Variants in ADAMTS16 observed in about 807,000 individuals in gnomAD.
ADAMTS16 encodes the protein A disintegrin and metalloproteinase with thrombospondin motifs 16.
Under a neutral mutation model 145.8 loss-of-function variants are expected in ADAMTS16, and 94 were observed. The ratio of observed to expected loss-of-function variants is 0.64; its 90% CI spans 0.55 to 0.77. The LOEUF (loss-of-function observed/expected upper bound fraction) is 0.77, where lower values mean the gene tolerates loss of function less well. Among genes scored for constraint, ADAMTS16 ranks in the 30% least tolerant of loss-of-function variants. The probability of loss-of-function intolerance (pLI) is 0.00; values close to 1 mark genes in which losing one functional copy is unlikely to be tolerated. For synonymous variants in ADAMTS16, 659 were observed against 604.3 expected (o/e 1.09, Z -1.33); for missense variants, 1,585 against 1,591.5 (o/e 1.00, Z 0.07).
At chr5:5,174,904 C>A (rs1216487045) in intron 3 of ADAMTS16, among the ~76,000 whole-genome samples, 1 of 152,158 alleles carries the variant, frequency 6.6e-6, no homozygotes, top group Non-Finnish European at 1.5e-5. Context: ...TGAATGCTGC[C>A]AGGACTGAGA....
chr5:5,146,884 CTT>C (rs1186035567), intron 3 of ADAMTS16, among the ~76,000 whole-genome samples: 1 of 152,190 alleles, frequency 6.6e-6, no homozygotes, highest in Non-Finnish European at 1.5e-5. Flanking sequence ...ATTTGAAAGA[CTT>C]TGAATACTGT....
chr5:5,151,270 A>C (rs1298814562), intron 3 of ADAMTS16, among the ~76,000 whole-genome samples: 1 of 149,998 alleles, frequency 6.7e-6, no homozygotes, highest in Non-Finnish European at 1.5e-5. Flanking sequence ...CTGGAGTCTC[A>C]CCCTGTTGCC....
chr5:5,172,049 A>T (rs993466314), intron 3 of ADAMTS16, among the ~76,000 whole-genome samples: 3 of 152,080 alleles, frequency 2.0e-5, no homozygotes, highest in Non-Finnish European at 4.4e-5. Context: ...TCCAATTAGC[A>T]TATAGCTGTT....
chr5:5,267,201 A>C (rs1294431009), intron 18 of ADAMTS16, among the ~76,000 whole-genome samples: 1 of 152,152 alleles, frequency 6.6e-6, no homozygotes. Context: ...GCAACGTCTA[A>C]GGGTGAATGT....
intron 18 of ADAMTS16, among the ~76,000 whole-genome samples, chr5:5,273,947 T>G (rs1738583654): frequency 6.6e-6 from 1 of 152,240 alleles, no homozygotes; most frequent in Non-Finnish European, 1.5e-5. Flanking sequence ...AGTAGTCCTG[T>G]AAGGTATTTT....
chr5:5,265,770 C>T (rs1218849785), intron 18 of ADAMTS16, among the ~76,000 whole-genome samples: 2 of 152,174 alleles, frequency 1.3e-5, no homozygotes, highest in South Asian at 2.1e-4. Context: ...ACAGTGGGGT[C>T]TGCTTGTGTT....
intron 18 of ADAMTS16, among the ~76,000 whole-genome samples, chr5:5,290,264 T>C (rs1739257118): frequency 6.6e-6 from 1 of 152,152 alleles, no homozygotes. Flanking sequence ...CATTTCCTAG[T>C]CAGCTGTTAA....
chr5:5,273,716 C>A (rs1205737151), intron 18 of ADAMTS16, among the ~76,000 whole-genome samples: 1 of 152,158 alleles, frequency 6.6e-6, no homozygotes, highest in African/African-American at 2.4e-5. Context: ...AAACAATGAG[C>A]TTGAAATGTA....
At chr5:5,234,171 G>A (rs866399221) in intron 12 of ADAMTS16, among the ~76,000 whole-genome samples, 16 of 152,294 alleles carry the variant, frequency 1.1e-4, no homozygotes, top group South Asian at 2.1e-4. Flanking sequence ...TGCGCTGCCC[G>A]CATTACCAGT....
At chr5:5,207,833 A>G (rs538053076) in intron 9 of ADAMTS16, among the ~76,000 whole-genome samples, 16 of 151,910 alleles carry the variant, frequency 1.1e-4, no homozygotes, top group African/African-American at 3.6e-4. Flanking sequence ...ACATTAATTG[A>G]CTTTAGAATA....
intron 17 of ADAMTS16, among the ~76,000 whole-genome samples, chr5:5,252,870 T>C (rs1439147141): frequency 6.6e-6 from 1 of 152,190 alleles, no homozygotes; most frequent in Non-Finnish European, 1.5e-5. Flanking sequence ...TTACTCATCT[T>C]TTCTTGTCTT....
chr5:5,149,262 T>A (rs1734387569), intron 3 of ADAMTS16, among the ~76,000 whole-genome samples: 1 of 152,232 alleles, frequency 6.6e-6, no homozygotes, highest in Admixed American at 6.5e-5. Flanking sequence ...GGGTCCCTGT[T>A]ATATTTATGT....
At chr5:5,148,599 G>A (rs1346676246) in intron 3 of ADAMTS16, among the ~76,000 whole-genome samples, 4 of 152,172 alleles carry the variant, frequency 2.6e-5, no homozygotes, top group African/African-American at 4.8e-5. Context: ...TTTTGCTGTT[G>A]TCCACTAATG....
intron 18 of ADAMTS16, among the ~76,000 whole-genome samples, chr5:5,280,650 AC>A (rs1738866867): frequency 6.6e-6 from 1 of 152,182 alleles, no homozygotes; most frequent in South Asian, 2.1e-4. Context: ...GAGGTTTAGT[AC>A]ATGCTAAACC....
At chr5:5,200,107 A>ATCTCTCTC (rs58639468) in intron 8 of ADAMTS16, 25 bp from the exon 9 acceptor site, 56 of 1,447,554 alleles carry the variant, frequency 3.9e-5, no homozygotes, top group South Asian at 7.7e-5. Context: ...TGAAAGAACC[A>ATCTCTCTC]TCTCTCTCTC....
At chr5:5,290,694 TTG>T (rs1374587260) in intron 18 of ADAMTS16, among the ~76,000 whole-genome samples, 17 of 152,212 alleles carry the variant, frequency 1.1e-4, no homozygotes, top group African/African-American at 3.9e-4. Context: ...GCTAAAATTC[TTG>T]TTTCCATGCT....
rs551309276 is a variant in ADAMTS16 at position 5,318,225 on chromosome 5, A to G, written c.3503A>G (p.Lys1168Arg). 4.5e-6 allele frequency: 7 copies of G among 1,568,994 alleles called. No homozygotes were observed. The South Asian group carries it at 7.1e-5, about 16-fold the overall frequency. Residue 1168 changes from lysine (K) to arginine (R), a missense_variant, in exon 22 of 23, where the codon AAG becomes AGG. Physicochemically the swap from Lys to Arg is conservative, Grantham distance 26. Coordinates refer to ENST00000274181, the MANE Select transcript of ADAMTS16 (RefSeq NM_139056.4). The stretch of plus-strand genomic sequence containing the variant: ...GCCTCAGGCTGCCTCCTGCACCAGA[A>G]GCCTTCGGCCTCCCTGGCCTGCAAC... ...RPASGCLLHQ[K>R]PSASLACNTH...
intron 8 of ADAMTS16, among the ~76,000 whole-genome samples, chr5:5,198,434 G>A (rs1026505993): frequency 3.9e-5 from 6 of 152,100 alleles, no homozygotes; most frequent in East Asian, 1.9e-4. Context: ...GTATTTGCAC[G>A]CCAGATTTCC....
chr5:5,319,149 C>G lies in ADAMTS16; in HGVS notation c.*11C>G, dbSNP rs764802568. 12 of 1,587,128 alleles carry G rather than the reference C, an allele frequency of 7.6e-6. No homozygotes were observed. The South Asian group carries it at 1.4e-4, about 18-fold the overall frequency. On this transcript the variant is annotated 3_prime_UTR_variant, in exon 23 of 23. Transcript: ENST00000274181. Reference sequence around the variant, plus strand: ...AAGTCCAACTTGTGAGTTGGGACCGCTCTCCGTAGCAGAGAAAGTGCCTGC... The same window carrying G: ...AAGTCCAACTTGTGAGTTGGGACCGGTCTCCGTAGCAGAGAAAGTGCCTGC...
Sources: gnomAD v4.1 joint callset for allele counts (sites outside exome capture counted in the v4.1 genomes callset) on GRCh38, gnomAD v4.1.1 for gene constraint, MANE v1.5 for transcripts, NCBI Gene and HGNC (gene_info 2026-07-23, HGNC 2026-07-21) for gene names.